SH3PXD2A: variants seen among roughly 807,000 people sequenced by gnomAD.
The protein encoded by SH3PXD2A is SH3 and PX domains 2A.
SH3PXD2A carries 32 observed loss-of-function variants against 115.2 expected under a neutral mutation model. The ratio of observed to expected loss-of-function variants is 0.28; its 90% CI spans 0.21 to 0.37. The LOEUF (loss-of-function observed/expected upper bound fraction) is 0.37, where lower values mean the gene tolerates loss of function less well. Ranked by LOEUF, SH3PXD2A falls within the 10% of genes least tolerant of loss-of-function variation. The pLI is 1.00. For missense variants in SH3PXD2A, 1,328 were observed against 1,498.7 expected (o/e 0.89, Z 1.88); for synonymous variants, 610 against 629.1 (o/e 0.97, Z 0.45).
chr10:103,688,327 C>T (rs1040214616), intron 6 of SH3PXD2A, among the ~76,000 whole-genome samples: 4 of 152,218 alleles, frequency 2.6e-5, no homozygotes, highest in Non-Finnish European at 4.4e-5. Flanking sequence ...CATCCACCCA[C>T]CCATTCAAAA....
intron 5 of SH3PXD2A, among the ~76,000 whole-genome samples, chr10:103,703,215 C>T (rs973834294): frequency 3.3e-5 from 5 of 152,236 alleles, no homozygotes; most frequent in Admixed American, 6.5e-5. Flanking sequence ...CCTGCATGGC[C>T]CTGGGAGGCC....
At chr10:103,769,179 T>TGC (rs1206949014) in intron 2 of SH3PXD2A, among the ~76,000 whole-genome samples, 56 of 116,046 alleles carry the variant, frequency 4.8e-4, no homozygotes, top group African/African-American at 6.3e-4. Flanking sequence ...TGTGTGTGTG[T>TGC]GTGCGCGCGC....
chr10:103,611,722 C>A (rs983473813), intron 12 of SH3PXD2A, 92 bp from the exon 13 acceptor site: 47 of 971,122 alleles, frequency 4.8e-5, no homozygotes, highest in Non-Finnish European at 7.4e-5. Context: ...AACTCCTGAT[C>A]CTTCAAGTTC....
At chr10:103,845,611 C>T (rs1377834551) in intron 1 of SH3PXD2A, among the ~76,000 whole-genome samples, 1 of 152,272 alleles carries the variant, frequency 6.6e-6, no homozygotes, top group Admixed American at 6.5e-5. Context: ...CAGTGGCCCT[C>T]GGGGCTGCTC....
At chr10:103,608,801 T>A (rs367858498) in intron 13 of SH3PXD2A, 14 of 152,146 alleles carry the variant, frequency 9.2e-5, no homozygotes, top group African/African-American at 3.4e-4. Context: ...TAATTTCTAA[T>A]CTTACATCTC....
intron 4 of SH3PXD2A, among the ~76,000 whole-genome samples, chr10:103,733,812 C>T (rs78526242): frequency 0.024 from 3,589 of 152,188 alleles, 68 homozygotes; most frequent in Non-Finnish European, 0.034. Context: ...TTCCCTGTTA[C>T]CCAGGCTAGA....
At chr10:103,791,017 G>A (rs2039030062) in intron 2 of SH3PXD2A, among the ~76,000 whole-genome samples, 1 of 152,224 alleles carries the variant, frequency 6.6e-6, no homozygotes. Context: ...AGCCCTGCTG[G>A]ACAGTCACTG....
At chr10:103,632,684 A>G (rs1030928635) in intron 8 of SH3PXD2A, among the ~76,000 whole-genome samples, 3 of 152,160 alleles carry the variant, frequency 2.0e-5, no homozygotes, top group African/African-American at 7.2e-5. Flanking sequence ...CCTGGCATCA[A>G]CAGAGCCTGG....
At chr10:103,810,948 G>GCACACACACACACA (rs1459501583) in intron 1 of SH3PXD2A, among the ~76,000 whole-genome samples, 1 of 4,246 alleles carries the variant, frequency 2.4e-4, no homozygotes, top group African/African-American at 7.5e-4. Flanking sequence ...ACAGGCGCGC[G>GCACACACACACACA]CGCGCACACA....
intron 1 of SH3PXD2A, among the ~76,000 whole-genome samples, chr10:103,826,093 C>G (rs1242554149): frequency 2.6e-5 from 4 of 152,138 alleles, no homozygotes; most frequent in Non-Finnish European, 5.9e-5. Context: ...CTAAGAGGAG[C>G]TCCCAATATG....
rs140298191 is a variant in SH3PXD2A, at chr10:103,602,866, G to A, written c.2352C>T (p.Pro784=). Residue 784 remains proline, a synonymous_variant, in exon 15 of 15, where the codon CCC becomes CCT. Coordinates refer to ENST00000369774, the MANE Select transcript of SH3PXD2A (RefSeq NM_001394015.1). ...TGAGCCCTCCACGGAGCTGGCCTGT[G>A]GGTCTCAGCTGGCGCCGTAAAGTGC... ...DISTLRRQLR[P]TGQLRGGLKG... The A allele has an allele frequency of 4.7e-4, 758 of 1,613,952 alleles. No individual in the cohort carries two copies. The highest frequency in any genetic ancestry group is 6.3e-4 in the Non-Finnish European group (741 of 1,179,950).
chr10:103,702,606 T>TGTGTGTGTGTGTGTGTG (rs2037931940), intron 5 of SH3PXD2A, among the ~76,000 whole-genome samples: 1 of 151,402 alleles, frequency 6.6e-6, no homozygotes, highest in Non-Finnish European at 1.5e-5. Flanking sequence ...CGTGTGTGTG[T>TGTGTGTGTGTGTGTGTG]GTGTGTGCAT....
intron 8 of SH3PXD2A, among the ~76,000 whole-genome samples, chr10:103,646,248 G>A (rs908147923): frequency 3.9e-5 from 6 of 152,042 alleles, no homozygotes; most frequent in Admixed American, 2.0e-4. Context: ...CTCACTGAGC[G>A]GCTTCCTGCC....
At position 103,640,667 on chromosome 10, in the gene SH3PXD2A, G is replaced by A. The variant is rs148631180; in HGVS notation, c.605-13465C>T. On this transcript the variant is annotated intron_variant, in intron 8 of 14. Coordinates refer to ENST00000369774, the MANE Select transcript of SH3PXD2A (RefSeq NM_001394015.1). ...GTCCCAGCTTTTAGAGAAGAAGGCG[G>A]TGAATTCCAGAGTAGAGAAGGGCAG... Among the ~76,000 whole-genome samples, 234 of 152,314 alleles carry A rather than the reference G, an allele frequency of 1.5e-3. 1 individual carries two copies. The highest frequency in any genetic ancestry group is 5.3e-3 in the African/African-American group (221 of 41,566).
intron 11 of SH3PXD2A, among the ~76,000 whole-genome samples, chr10:103,615,637 G>A (rs574076343): frequency 2.0e-5 from 3 of 150,240 alleles, no homozygotes; most frequent in South Asian, 4.2e-4. Context: ...TTTTTAAGGT[G>A]GAATCTTTTC....
At chr10:103,725,020 T>A (rs928471681) in intron 4 of SH3PXD2A, among the ~76,000 whole-genome samples, 1 of 152,216 alleles carries the variant, frequency 6.6e-6, no homozygotes, top group Non-Finnish European at 1.5e-5. Context: ...AATTATTTCA[T>A]GACAAGTTGA....
At chr10:103,611,780 T>G in intron 12 of SH3PXD2A, 150 bp from the exon 13 acceptor site, 1 of 684,672 alleles carries the variant, frequency 1.5e-6, no homozygotes, top group Non-Finnish European at 2.6e-6. Context: ...TAAGTCACTA[T>G]GGGCACTGTG....
chr10:103,838,453 CA>C (rs1279175658), intron 1 of SH3PXD2A, among the ~76,000 whole-genome samples: 1 of 152,226 alleles, frequency 6.6e-6, no homozygotes, highest in African/African-American at 2.4e-5. Context: ...GGCCACACAG[CA>C]ATAAATGGCA....
chr10:103,601,658 A>C lies in SH3PXD2A; in HGVS notation c.*158T>G. On this transcript the variant is annotated 3_prime_UTR_variant, in exon 15 of 15. Transcript: ENST00000369774. ...ACCTTCCAGCTGTGGGATGGCTTGG[A>C]CAGGGGGCATCTTTGAGGTCACCCA... The C allele has an allele frequency of 5.3e-6, 3 of 560,850 alleles. No individual in the cohort carries two copies. The highest frequency in any genetic ancestry group is 3.3e-5 in the East Asian group (1 of 30,590). The allele number at this position is 560,850 out of a possible 1,614,324, so 34.7% of individuals were successfully genotyped here.
Sources: allele counts gnomAD v4.1 joint callset (sites outside exome capture counted in the v4.1 genomes callset), GRCh38; gene constraint gnomAD v4.1.1; transcripts MANE v1.5; gene names NCBI Gene and HGNC (gene_info 2026-07-23, HGNC 2026-07-21).